Variants in PHF13 observed in about 807,000 individuals in gnomAD.
PHF13 encodes the protein PHD zinc finger protein PHF5.
A neutral mutation model predicts 25.8 loss-of-function variants in PHF13; 1 was observed. That is an observed-to-expected ratio of 0.04 (90% confidence interval 0.01 to 0.18). The LOEUF (loss-of-function observed/expected upper bound fraction) is 0.18, where lower values mean the gene tolerates loss of function less well. PHF13 is among the 10% of genes least tolerant of loss of function. PHF13 has a pLI of 1.00. For synonymous variants in PHF13, 195 were observed against 162.4 expected (o/e 1.20, Z -1.53); for missense variants, 306 against 403.2 (o/e 0.76, Z 2.06).
In PHF13 at chr1:6,619,988, C is replaced by G. The variant is rs899361762; in HGVS notation, c.327C>G (p.Asp109Glu). The G allele has an allele frequency of 3.1e-6, 5 of 1,613,650 alleles. No homozygotes were observed. Among genetic ancestry groups the G allele is most frequent in the East Asian group, 4.5e-5 (2 of 44,866 alleles). ...CCAAGCCCAGTAACTTCCTGCTGGA[C>G]AGAAAGAAAACGGACAAGCTGAAGA... ...QRAKPSNFLL[D>E]RKKTDKLKKK... Residue 109 changes from aspartate (D) to glutamate (E), a missense_variant, in exon 3 of 4, where the codon GAC becomes GAG. Physicochemically the swap from Asp to Glu is conservative, Grantham distance 45. Coordinates refer to ENST00000377648, the MANE Select transcript of PHF13 (RefSeq NM_153812.3).
intron 1 of PHF13, among the ~76,000 whole-genome samples, chr1:6,615,831 T>A (rs1641253442): frequency 6.6e-6 from 1 of 152,146 alleles, no homozygotes; most frequent in Non-Finnish European, 1.5e-5. Flanking sequence ...AATGTAAGAC[T>A]AAGCTTCGCA....
intron 2 of PHF13, among the ~76,000 whole-genome samples, chr1:6,618,978 C>T (rs115459332): frequency 0.031 from 4,770 of 152,184 alleles, 261 homozygotes; most frequent in African/African-American, 0.11. Context: ...ACAAGGAGGA[C>T]GTTGCCACTG....
intron 1 of PHF13, among the ~76,000 whole-genome samples, chr1:6,616,311 G>GGGATT (rs1365058021): frequency 6.6e-6 from 1 of 152,182 alleles, no homozygotes; most frequent in African/African-American, 2.4e-5. Flanking sequence ...ACAGACGAGA[G>GGGATT]CCACCGCGCC....
chr1:6,621,625 G>C lies in PHF13; in HGVS notation c.891G>C (p.Leu297=). 3 of 1,614,142 alleles carry C rather than the reference G, an allele frequency of 1.9e-6. No homozygotes were observed. Among genetic ancestry groups the C allele is most frequent in the Non-Finnish European group, 2.5e-6 (3 of 1,180,026 alleles). Residue 297 remains leucine (L), a synonymous_variant, in exon 4 of 4, where the codon CTG becomes CTC. Transcript: ENST00000377648. This position sits in a 1 kb window ranked among gnomAD's most constrained non-coding sequence, Gnocchi z 4.8. ...SNRSRTGSRK[L]FLD is the part of the protein sequence containing the mutation. ...GCTCGCGGACGGGCTCCCGGAAGCT[G>C]TTCCTGGACTGACTGCTGGCTGGCG...
At chr1:6,616,608 C>T (rs566806945) in intron 1 of PHF13, 149 bp from the exon 2 acceptor site, 1 of 654,214 alleles carries the variant, frequency 1.5e-6, no homozygotes, top group Admixed American at 2.5e-5. Flanking sequence ...TTGACCTGAA[C>T]TTACCGTATC....
Position 6,621,179 on chromosome 1 carries a change from CAG to C in PHF13, c.677-229_677-228del, listed in dbSNP as rs1048989500. Among the ~76,000 whole-genome samples the C allele has an allele frequency of 6.0e-5, 9 of 149,842 alleles. No homozygotes were observed. Among genetic ancestry groups the C allele is most frequent in the African/African-American group, 2.2e-4 (9 of 40,480 alleles). On this transcript the variant is annotated intron_variant, in intron 3 of 3. Transcript: ENST00000377648. The surrounding 1 kb of genome is among the most constrained non-coding windows in gnomAD (Gnocchi z 4.8). ...CACCACTGCACTCCAGCCAGGGTGA[CAG>C]AGTGAGACCCTGTCTTAGGGAAAAA...
At chr1:6,616,307 G>A (rs1294920269) in intron 1 of PHF13, among the ~76,000 whole-genome samples, 2 of 152,164 alleles carry the variant, frequency 1.3e-5, no homozygotes, top group Admixed American at 6.5e-5. Flanking sequence ...GATTACAGAC[G>A]AGAGCCACCG....
chr1:6,614,855 C>T (rs1208745956), intron 1 of PHF13, among the ~76,000 whole-genome samples: 2 of 151,524 alleles, frequency 1.3e-5, no homozygotes, highest in Non-Finnish European at 3.0e-5. Flanking sequence ...TCCCCTCCCC[C>T]CAGCCGAGGC....
chr1:6,620,126 C>T lies in PHF13; in HGVS notation c.465C>T (p.Pro155=), dbSNP rs774345678. 3.7e-6 allele frequency: 6 copies of T among 1,613,618 alleles called. No homozygotes were observed. In the East Asian group the frequency reaches 1.1e-4, roughly 30 times the overall value. Residue 155 remains proline, a synonymous_variant, in exon 3 of 4, where the codon CCC becomes CCT. Transcript: ENST00000377648. ...ADPYVETPTS[P]TLQDIPQAPS... The stretch of plus-strand genomic sequence containing the variant: ...CCTACGTGGAGACCCCCACGAGTCC[C>T]ACCTTGCAGGATATCCCCCAGGCTC...
At position 6,618,998 on chromosome 1, in the gene PHF13, G is replaced by T. The variant is rs536801503; in HGVS notation, c.142-805G>T. On this transcript the variant is annotated intron_variant, in intron 2 of 3. Coordinates refer to ENST00000377648, the MANE Select transcript of PHF13 (RefSeq NM_153812.3). ...GAGGACGTTGCCACTGTTTGCAAATGATATGCTTGTGATCTGAATGAACCA... is the reference window on the plus strand; with the variant it reads ...GAGGACGTTGCCACTGTTTGCAAATTATATGCTTGTGATCTGAATGAACCA... Among the ~76,000 whole-genome samples, 17 of 152,294 alleles carry T rather than the reference G, an allele frequency of 1.1e-4. No homozygotes were observed. In the South Asian group the frequency reaches 3.5e-3, roughly 32 times the overall value.
chr1:6,614,965 C>A (rs1441274239), intron 1 of PHF13, among the ~76,000 whole-genome samples: 1 of 151,500 alleles, frequency 6.6e-6, no homozygotes, highest in Non-Finnish European at 1.5e-5. Flanking sequence ...CGGGGGTTCG[C>A]AGGGCCTCCC....
chr1:6,619,798 T>C lies in PHF13; in HGVS notation c.142-5T>C, dbSNP rs1641311074. 2 of 1,580,758 alleles carry C rather than the reference T, an allele frequency of 1.3e-6. No homozygotes were observed. Among genetic ancestry groups the C allele is most frequent in the African/African-American group, 1.4e-5 (1 of 73,752 alleles). On this transcript the variant is annotated splice_region_variant and splice_polypyrimidine_tract_variant and intron_variant, in intron 2 of 3. Transcript: ENST00000377648. ...AACTGGAATCTGCCACCTTTGTCTT[T>C]TTAGGAACTCCCTTTAAGGAGCAGC...
chr1:6,621,045 AAC>A lies in PHF13; in HGVS notation c.677-364_677-363del, dbSNP rs1491183620. The stretch of plus-strand genomic sequence containing the variant: ...ACTCCGTCTCAAGAAAAAAAAAAAA[AAC>A]AATAGTCGAGTGTGGTGGTGTGTGC... On this transcript the variant is annotated intron_variant, in intron 3 of 3. Transcript: ENST00000377648. This position sits in a 1 kb window ranked among gnomAD's most constrained non-coding sequence, Gnocchi z 4.8. Among the ~76,000 whole-genome samples, 1 of 150,376 alleles carries A rather than the reference AAC, an allele frequency of 6.6e-6. No homozygotes were observed. Among genetic ancestry groups the A allele is most frequent in the African/African-American group, 2.4e-5 (1 of 40,878 alleles).
At chr1:6,619,604 G>T (rs1239168288) in intron 2 of PHF13, among the ~76,000 whole-genome samples, 199 bp from the exon 3 acceptor site, 1 of 152,096 alleles carries the variant, frequency 6.6e-6, no homozygotes, top group Non-Finnish European at 1.5e-5. Context: ...GTCCCAGAGT[G>T]CTGGGATTAC....
At position 6,620,385 on chromosome 1, in the gene PHF13, A is replaced by G. The variant is rs757325439; in HGVS notation, c.676+48A>G. 3.3e-5 allele frequency: 51 copies of G among 1,557,502 alleles called. No individual in the cohort carries two copies. The African/African-American group carries it at 6.6e-4, about 20-fold the overall frequency. ...TGACCCTTGTTGGCTTGTGGTTAGAAGAGAGGTTATTTTATTAAGTGGTCA... is the reference window on the plus strand; with the variant it reads ...TGACCCTTGTTGGCTTGTGGTTAGAGGAGAGGTTATTTTATTAAGTGGTCA... On this transcript the variant is annotated intron_variant, in intron 3 of 3. Coordinates refer to ENST00000377648, the MANE Select transcript of PHF13 (RefSeq NM_153812.3).
At chr1:6,620,552 C>T (rs1010283213) in intron 3 of PHF13, among the ~76,000 whole-genome samples, 1 of 152,142 alleles carries the variant, frequency 6.6e-6, no homozygotes, top group Non-Finnish European at 1.5e-5. Context: ...GATTCTAAGA[C>T]CTTAGAACAT....
chr1:6,617,107 C>T (rs1166430937), intron 2 of PHF13, among the ~76,000 whole-genome samples: 1 of 152,166 alleles, frequency 6.6e-6, no homozygotes, highest in African/African-American at 2.4e-5. Flanking sequence ...ATTTAGTAAA[C>T]TTTCTTTTTT....
chr1:6,614,711 ACCGCCCC>A (rs1478204731), intron 1 of PHF13: 1 of 38,940 alleles, frequency 2.6e-5, no homozygotes, highest in Non-Finnish European at 5.8e-5. Flanking sequence ...GCCCCCACCC[ACCGCCCC>A]CCGGCGCGCT....
rs754829891 is a variant in PHF13 at position 6,621,465 on chromosome 1, G to A, written c.731G>A (p.Arg244His). 6.2e-7 allele frequency: 1 copy of A among 1,614,068 alleles called. No individual in the cohort carries two copies. The highest frequency in any genetic ancestry group is 1.1e-5 in the South Asian group (1 of 91,072). Residue 244 changes from arginine (R) to histidine (H), a missense_variant, in exon 4 of 4, where the codon CGC becomes CAC. By Grantham distance (29) the Arg-to-His change is conservative. Coordinates refer to ENST00000377648, the MANE Select transcript of PHF13 (RefSeq NM_153812.3). This position sits in a 1 kb window ranked among gnomAD's most constrained non-coding sequence, Gnocchi z 4.8. ...TCFCMKPFAG[R>H]PMIECNECHT... ...TTCTGCATGAAGCCATTTGCCGGCC[G>A]CCCCATGATCGAGTGTAATGAGTGC...
Sources: allele counts gnomAD v4.1 joint callset (sites outside exome capture counted in the v4.1 genomes callset), GRCh38; gene constraint gnomAD v4.1.1; non-coding constraint Gnocchi (gnomAD v3.1); transcripts MANE v1.5; gene names NCBI Gene and HGNC (gene_info 2026-07-23, HGNC 2026-07-21).